The following ZNF354A variants were observed in gnomAD, a reference collection of about 807,000 sequenced individuals.
ZNF354A encodes the protein epididymis luminal protein 104.
Under a neutral mutation model 53.3 loss-of-function variants are expected in ZNF354A, and 25 were observed. That is an observed-to-expected ratio of 0.47 (90% CI 0.34 to 0.66). The LOEUF is 0.66. Ranked by LOEUF, ZNF354A falls within the 30% of genes least tolerant of loss-of-function variation. The probability of loss-of-function intolerance (pLI) is 0.01; values close to 1 mark genes in which losing one functional copy is unlikely to be tolerated. For synonymous variants in ZNF354A, 228 were observed against 249.0 expected, an observed-to-expected ratio of 0.92 and a Z score of 0.79; for missense variants, 586 against 716.8, an observed-to-expected ratio of 0.82 and a Z score of 2.08.
chr5:178,722,599 G>A (rs1765831430), intron 4 of ZNF354A, among the ~76,000 whole-genome samples: 1 of 152,102 alleles, frequency 6.6e-6, no homozygotes, highest in African/African-American at 2.4e-5. Context: ...ACATCCCTGG[G>A]ACTGGTTCAC....
At chr5:178,729,728 G>T (rs892801947) in intron 1 of ZNF354A, among the ~76,000 whole-genome samples, 1 of 148,702 alleles carries the variant, frequency 6.7e-6, no homozygotes, top group Non-Finnish European at 1.5e-5. Context: ...TGTATTTTTA[G>T]TAGAGACGAG....
In ZNF354A at chr5:178,712,021, A is replaced by C. The variant is rs781734564; in HGVS notation, c.*39T>G. On this transcript the variant is annotated 3_prime_UTR_variant, in exon 5 of 5. Coordinates refer to ENST00000335815, the MANE Select transcript of ZNF354A (RefSeq NM_005649.3). ...TCTCTCAAGGATGTATTCTTCGATG[A>C]GCTTTGGTTTAAGGCTTTCACACAT... 2.0e-6 allele frequency: 3 copies of C among 1,525,982 alleles called. No homozygotes were observed. The highest frequency in any genetic ancestry group is 2.6e-6 in the Non-Finnish European group (3 of 1,141,080). 94.5% of individuals were successfully genotyped at this position (1,525,982 alleles called of 1,614,324 possible). A position where few individuals can be genotyped will look rare whatever the true frequency, so the allele number is the denominator to read the frequency against.
At chr5:178,717,077 CAAAAA>C (rs5873633) in intron 4 of ZNF354A, among the ~76,000 whole-genome samples, 1 of 65,522 alleles carries the variant, frequency 1.5e-5, no homozygotes, top group African/African-American at 6.3e-5. Context: ...GACTCCATCT[CAAAAA>C]AAAAAAAAAA....
At chr5:178,713,889 A>G (rs975947853) in intron 4 of ZNF354A, among the ~76,000 whole-genome samples, 5 of 152,154 alleles carry the variant, frequency 3.3e-5, no homozygotes, top group African/African-American at 1.2e-4. Flanking sequence ...TTGGCTAATG[A>G]AGAACAGAGA....
intron 4 of ZNF354A, among the ~76,000 whole-genome samples, chr5:178,722,847 G>C (rs181170312): frequency 6.6e-6 from 1 of 152,216 alleles, no homozygotes; most frequent in Non-Finnish European, 1.5e-5. Context: ...AGGAGATGGC[G>C]TGGGGGCTGC....
chr5:178,725,908 C>T (rs548003925), intron 3 of ZNF354A, among the ~76,000 whole-genome samples: 7 of 152,078 alleles, frequency 4.6e-5, no homozygotes, highest in South Asian at 2.1e-4. Flanking sequence ...AGTGCAGTGG[C>T]GCAATCTTGG....
chr5:178,729,520 C>T lies in ZNF354A; in HGVS notation c.-51-447G>A, dbSNP rs375083839. 32 of 206,458 alleles carry T rather than the reference C, an allele frequency of 1.5e-4. No homozygotes were observed. In the East Asian group the frequency reaches 2.9e-3, roughly 19 times the overall value. The allele number at this position is 206,458 out of a possible 1,614,324, so 12.8% of individuals were successfully genotyped here. On this transcript the variant is annotated intron_variant, in intron 1 of 4. Coordinates refer to ENST00000335815, the MANE Select transcript of ZNF354A (RefSeq NM_005649.3). ...TTTCCCAGCCGGTTCCTCTCTCTCC[C>T]GCCAACGAATCATCTCCCGACTCCA... is the stretch of plus-strand genomic sequence containing the variant.
chr5:178,716,798 GC>G (rs1765723190), intron 4 of ZNF354A, among the ~76,000 whole-genome samples: 1 of 152,114 alleles, frequency 6.6e-6, no homozygotes, highest in Non-Finnish European at 1.5e-5. Flanking sequence ...CTGGAACGGG[GC>G]CGGGCGTGGT....
At chr5:178,713,683 C>G in intron 4 of ZNF354A, 62 bp from the exon 5 acceptor site, 2 of 1,480,000 alleles carry the variant, frequency 1.4e-6, no homozygotes, top group Non-Finnish European at 8.9e-7. Flanking sequence ...ACTACTGAGA[C>G]TAAAAGTGTA....
chr5:178,725,582 G>C (rs1765890656), intron 3 of ZNF354A, 111 bp from the exon 4 acceptor site: 1 of 1,142,096 alleles, frequency 8.8e-7, no homozygotes, highest in Non-Finnish European at 1.3e-6. Context: ...GAGCTTCTGT[G>C]TAGGGCTTCA....
At chr5:178,720,127 T>C (rs1387041930) in intron 4 of ZNF354A, among the ~76,000 whole-genome samples, 1 of 152,232 alleles carries the variant, frequency 6.6e-6, no homozygotes, top group African/African-American at 2.4e-5. Context: ...TTTAGAAATG[T>C]TGTTGTGGTA....
chr5:178,715,490 C>A lies in ZNF354A; in HGVS notation c.257-1869G>T, dbSNP rs113987179. Among the ~76,000 whole-genome samples, 284 of 152,200 alleles carry A rather than the reference C, an allele frequency of 1.9e-3. 1 individual carries two copies. Among genetic ancestry groups the A allele is most frequent in the African/African-American group, 6.3e-3 (261 of 41,516 alleles). On this transcript the variant is annotated intron_variant, in intron 4 of 4. Transcript: ENST00000335815. ...TGTAAGGGAAAGCAGAGTTTCTTAA[C>A]TTTATGCTTAACACCTTCCTAGTTC...
At chr5:178,726,912 T>C in intron 3 of ZNF354A, 87 bp downstream of exon 3, 1 of 1,521,244 alleles carries the variant, frequency 6.6e-7, no homozygotes, top group South Asian at 1.3e-5. Flanking sequence ...CTCAAATTTT[T>C]CAGTGACCAA....
At chr5:178,717,077 C>CAAA (rs5873633) in intron 4 of ZNF354A, among the ~76,000 whole-genome samples, 723 of 65,466 alleles carry the variant, frequency 0.011, 31 homozygotes, top group African/African-American at 0.013. Context: ...GACTCCATCT[C>CAAA]AAAAAAAAAA....
Position 178,713,348 on chromosome 5 carries a change from T to G in ZNF354A, c.530A>C (p.Gln177Pro). Residue 177 changes from glutamine (Q) to proline (P), a missense_variant, in exon 5 of 5, where the codon CAA becomes CCA. By Grantham distance (76) the Gln-to-Pro change is moderately conservative (BLOSUM62 -1). Transcript: ENST00000335815. ...TGTTTTTTCTCTGGGAAGTATCTGT[T>G]GCCTAATAAGCACTGACTTTGGGCT... is the stretch of plus-strand genomic sequence containing the variant. The part of the protein sequence containing the change: ...NFSPKSVLIR[Q>P]QILPREKTPP... 6.2e-7 allele frequency: 1 copy of G among 1,614,222 alleles called. No individual in the cohort carries two copies. The highest frequency in any genetic ancestry group is 1.1e-5 in the South Asian group (1 of 91,086).
At position 178,713,529 on chromosome 5, in the gene ZNF354A, G is replaced by T; in HGVS notation, c.349C>A (p.Pro117Thr). 1 of 1,612,492 alleles carries T rather than the reference G, an allele frequency of 6.2e-7. No individual in the cohort carries two copies. The highest frequency in any genetic ancestry group is 8.5e-7 in the Non-Finnish European group (1 of 1,179,804). Residue 117 changes from proline (P) to threonine (T), a missense_variant, in exon 5 of 5, where the codon CCT becomes ACT. Pro to Thr is a conservative substitution (Grantham distance 38). This residue lies in a region of ZNF354A where 573 missense variants were observed against 680.1 expected (regional missense o/e 0.84). Transcript: ENST00000335815. ...LILKRSNRNV[P>T]WDLKLEKPYI... is the part of the protein sequence containing the mutation. Reference sequence around the variant, plus strand: ...GGCTTTTCTAATTTCAAATCCCAAGGTACATTCCTGTTGGATCTTTTCAGT... The same window carrying T: ...GGCTTTTCTAATTTCAAATCCCAAGTTACATTCCTGTTGGATCTTTTCAGT...
intron 4 of ZNF354A, among the ~76,000 whole-genome samples, chr5:178,715,408 C>G (rs1554093841): frequency 6.6e-6 from 1 of 150,888 alleles, no homozygotes; most frequent in African/African-American, 2.4e-5. Flanking sequence ...ATTTTTTTTT[C>G]ACTCCACACA....
rs1132337 is a variant in ZNF354A at position 178,712,568 on chromosome 5, A to G, written c.1310T>C (p.Phe437Ser). 2 of 1,614,006 alleles carry G rather than the reference A, an allele frequency of 1.2e-6. No individual in the cohort carries two copies. The highest frequency in any genetic ancestry group is 3.3e-5 in the Admixed American group (2 of 59,998). Reference protein sequence around the residue: ...RHRIIHTGEKFYNCNECGKAL... With the variant: ...RHRIIHTGEKSYNCNECGKAL... The stretch of plus-strand genomic sequence containing the variant: ...TTTACCACATTCATTACAATTATAA[A>G]ACTTCTCTCCAGTATGAATGATTCG... The change falls in exon 5 of 5, where the codon TTT (phenylalanine) becomes TCT (serine). Residue 437 changes from phenylalanine to serine, a missense_variant. This residue lies in a region of ZNF354A where 573 missense variants were observed against 680.1 expected (regional missense o/e 0.84). Transcript: ENST00000335815.
intron 3 of ZNF354A, among the ~76,000 whole-genome samples, chr5:178,726,384 C>T (rs897488447): frequency 3.0e-4 from 45 of 151,448 alleles, no homozygotes; most frequent in African/African-American, 1.1e-3. Flanking sequence ...GAACTTGGCT[C>T]ACTGCAAGCT....
Sources: allele counts gnomAD v4.1 joint callset (sites outside exome capture counted in the v4.1 genomes callset), GRCh38; gene constraint gnomAD v4.1.1; regional missense constraint gnomAD v4.1.1; transcripts MANE v1.5; gene names NCBI Gene and HGNC (gene_info 2026-07-23, HGNC 2026-07-21).